COBL: variants seen among roughly 807,000 people sequenced by gnomAD.
The protein encoded by COBL is protein cordon-bleu.
Under a neutral mutation model 98.8 loss-of-function variants are expected in COBL, and 51 were observed. That is an observed-to-expected ratio of 0.52 (90% CI 0.41 to 0.65). The LOEUF is 0.65. Ranked by LOEUF, COBL falls within the 30% of genes least tolerant of loss-of-function variation. COBL has a pLI of 0.00. For synonymous variants in COBL, 634 were observed against 651.7 expected (o/e 0.97, Z 0.41); for missense variants, 1,617 against 1,617.5 (o/e 1.00, Z 0.01).
intron 1 of COBL, among the ~76,000 whole-genome samples, chr7:51,287,630 G>C (rs2129183336): frequency 6.6e-6 from 1 of 152,190 alleles, no homozygotes; most frequent in East Asian, 1.9e-4. Context: ...TCCCACTCCT[G>C]GGTATTTACC....
Position 51,052,209 on chromosome 7 carries a change from C to A in COBL, c.1097-8517G>T, listed in dbSNP as rs1790317264. Among the ~76,000 whole-genome samples, 3 of 152,192 alleles carry A rather than the reference C, an allele frequency of 2.0e-5. No homozygotes were observed. The South Asian group carries it at 6.2e-4, about 32-fold the overall frequency. The stretch of plus-strand genomic sequence containing the variant: ...AAGCCCCAACCAACAAATTATGTCA[C>A]CTATCCCTGAGGGTGTGTGTTGCAG... On this transcript the variant is annotated intron_variant, in intron 7 of 12. Coordinates refer to ENST00000265136, the MANE Select transcript of COBL (RefSeq NM_015198.5).
At position 51,017,247 on chromosome 7, in the gene COBL, T is replaced by A. The variant is rs1786362223; in HGVS notation, c.*304A>T. The A allele has an allele frequency of 1.8e-6, 1 of 543,566 alleles. No individual in the cohort carries two copies. Among genetic ancestry groups the A allele is most frequent in the African/African-American group, 1.9e-5 (1 of 52,974 alleles). 33.7% of individuals were successfully genotyped at this position (543,566 alleles called of 1,614,324 possible). On this transcript the variant is annotated 3_prime_UTR_variant, in exon 13 of 13. Transcript: ENST00000265136. ...TACTTTGCCCATAAATATAATTAAG[T>A]GTGAGTGCTGGGCTCCAGCATTTAT...
intron 6 of COBL, among the ~76,000 whole-genome samples, chr7:51,117,987 G>C (rs1373866005): frequency 3.9e-5 from 6 of 152,114 alleles, no homozygotes; most frequent in African/African-American, 1.4e-4. Context: ...CATGGTTCAA[G>C]GCTGAGCCAG....
intron 12 of COBL, 49 bp downstream of exon 12, chr7:51,025,060 C>T (rs1216691009): frequency 1.9e-6 from 3 of 1,610,690 alleles, no homozygotes; most frequent in East Asian, 4.5e-5. Flanking sequence ...CTACGCTGCA[C>T]CTCCAACCCT....
chr7:51,241,971 A>G (rs1795833807), intron 1 of COBL, among the ~76,000 whole-genome samples: 1 of 152,074 alleles, frequency 6.6e-6, no homozygotes, highest in East Asian at 1.9e-4. Flanking sequence ...TGCACTCCCA[A>G]GTAACAAAAA....
At chr7:51,297,226 T>C (rs553183952) in intron 1 of COBL, among the ~76,000 whole-genome samples, 21 of 152,176 alleles carry the variant, frequency 1.4e-4, no homozygotes, top group African/African-American at 3.9e-4. Flanking sequence ...TCATAACATG[T>C]ATAGTCCAGA....
chr7:51,190,443 T>C (rs1472852234), intron 4 of COBL, among the ~76,000 whole-genome samples: 1 of 152,192 alleles, frequency 6.6e-6, no homozygotes, highest in Non-Finnish European at 1.5e-5. Context: ...CTTGAACTCC[T>C]GAGCTCAAGC....
In COBL at chr7:51,045,139, A is replaced by T. The variant is rs547877909; in HGVS notation, c.1097-1447T>A. On this transcript the variant is annotated intron_variant, in intron 7 of 12. Transcript: ENST00000265136. ...TCGCTGTAGCTCCCTGTTTCCCATC[A>T]CTCCTCTCTTGCCTTCCCTTTTGCT... Among the ~76,000 whole-genome samples the T allele has an allele frequency of 3.3e-5, 5 of 151,854 alleles. No homozygotes were observed. In the South Asian group the frequency reaches 1.0e-3, roughly 32 times the overall value.
chr7:51,077,683 T>G (rs1793225211), intron 7 of COBL, among the ~76,000 whole-genome samples: 1 of 152,202 alleles, frequency 6.6e-6, no homozygotes, highest in Admixed American at 6.5e-5. Flanking sequence ...CACCTCTTAC[T>G]ACAAAGACTA....
At chr7:51,126,256 A>T (rs1339869018) in intron 6 of COBL, among the ~76,000 whole-genome samples, 1 of 152,162 alleles carries the variant, frequency 6.6e-6, no homozygotes, top group Non-Finnish European at 1.5e-5. Context: ...TGAACCTGGG[A>T]GGTGGAGCTT....
intron 6 of COBL, among the ~76,000 whole-genome samples, chr7:51,090,687 A>G (rs1794726681): frequency 6.6e-6 from 1 of 152,216 alleles, no homozygotes; most frequent in Non-Finnish European, 1.5e-5. Context: ...AAGAGAAAGC[A>G]CCCAGCTCAC....
chr7:51,100,855 A>G (rs137895233), intron 6 of COBL, among the ~76,000 whole-genome samples: 3,331 of 152,204 alleles, frequency 0.022, 108 homozygotes, highest in African/African-American at 0.077. Context: ...GTGAGCTGAG[A>G]TCCTGCCACT....
At chr7:51,267,088 C>A (rs918744282) in intron 1 of COBL, among the ~76,000 whole-genome samples, 1 of 152,090 alleles carries the variant, frequency 6.6e-6, no homozygotes, top group African/African-American at 2.4e-5. Context: ...ACTCTCCCAC[C>A]GCATAAATAC....
chr7:51,109,959 T>C (rs1168455886), intron 6 of COBL, among the ~76,000 whole-genome samples: 1 of 152,192 alleles, frequency 6.6e-6, no homozygotes, highest in African/African-American at 2.4e-5. Context: ...TGGAAACTGC[T>C]TGGCCTCTTC....
intron 2 of COBL, among the ~76,000 whole-genome samples, chr7:51,204,037 G>GAA (rs1791421249): frequency 2.0e-5 from 3 of 152,260 alleles, no homozygotes; most frequent in Admixed American, 6.5e-5. Flanking sequence ...AACTAAGTAG[G>GAA]ATTTCTCCCT....
intron 6 of COBL, among the ~76,000 whole-genome samples, chr7:51,107,367 G>A (rs182097618): frequency 6.6e-6 from 1 of 152,208 alleles, no homozygotes; most frequent in African/African-American, 2.4e-5. Flanking sequence ...GATTACAGGT[G>A]TGAGCCACCA....
At chr7:51,201,114 C>T (rs572736838) in intron 2 of COBL, among the ~76,000 whole-genome samples, 1 of 151,896 alleles carries the variant, frequency 6.6e-6, no homozygotes, top group Non-Finnish European at 1.5e-5. Context: ...GTGGTGGGCG[C>T]CTTTAATCCC....
In COBL at chr7:51,090,616, G is replaced by A. The variant is rs188099479; in HGVS notation, c.958-5312C>T. Among the ~76,000 whole-genome samples, 1,091 of 152,308 alleles carry A rather than the reference G, an allele frequency of 7.2e-3. 13 individuals carry two copies. The highest frequency in any genetic ancestry group is 0.025 in the African/African-American group (1,053 of 41,572). Reference sequence around the variant, plus strand: ...CTGAGAAAAAAGGAGCTCAGAGGCTGGTTGCAACAGCAGAGATCTGCCAGT... The same window carrying A: ...CTGAGAAAAAAGGAGCTCAGAGGCTAGTTGCAACAGCAGAGATCTGCCAGT... On this transcript the variant is annotated intron_variant, in intron 6 of 12. Transcript: ENST00000265136.
intron 2 of COBL, among the ~76,000 whole-genome samples, chr7:51,198,616 C>T (rs1414915068): frequency 6.6e-6 from 1 of 152,194 alleles, no homozygotes; most frequent in African/African-American, 2.4e-5. Context: ...AGAAGTTGGG[C>T]ACAGGTTTTT....
Sources: allele counts gnomAD v4.1 joint callset (sites outside exome capture counted in the v4.1 genomes callset), GRCh38; gene constraint gnomAD v4.1.1; transcripts MANE v1.5; gene names NCBI Gene and HGNC (gene_info 2026-07-23, HGNC 2026-07-21).